Variants in RBFOX1 observed in about 807,000 individuals in gnomAD.
The protein encoded by RBFOX1 is RNA binding protein fox-1 homolog 1.
Under a neutral mutation model 57.7 loss-of-function variants are expected in RBFOX1, and 8 were observed. That is an observed-to-expected ratio of 0.14 (90% CI 0.08 to 0.25). RBFOX1 has a LOEUF of 0.25. Ranked by LOEUF, RBFOX1 falls within the 10% of genes least tolerant of loss-of-function variation. RBFOX1 has a pLI of 1.00. For missense variants in RBFOX1, 611 were observed against 548.5 expected, an observed-to-expected ratio of 1.11 and a Z score of -1.14; for synonymous variants, 326 against 222.4, an observed-to-expected ratio of 1.47 and a Z score of -4.15.
At chr16:6,111,192 C>T (rs888905384) in intron 1 of RBFOX1, among the ~76,000 whole-genome samples, 20 of 152,076 alleles carry the variant, frequency 1.3e-4, no homozygotes, top group South Asian at 2.1e-4. Context: ...ATGAAAAGTA[C>T]GCCACATACA....
intron 4 of RBFOX1, among the ~76,000 whole-genome samples, chr16:5,914,778 C>A (rs929360086): frequency 1.6e-4 from 25 of 152,022 alleles, no homozygotes; most frequent in African/African-American, 5.8e-4. Context: ...GCCTGTAGTC[C>A]CAGCTACTCA....
At chr16:5,787,412 A>G (rs538717245) in intron 3 of RBFOX1, among the ~76,000 whole-genome samples, 1 of 152,184 alleles carries the variant, frequency 6.6e-6, no homozygotes, top group Non-Finnish European at 1.5e-5. Flanking sequence ...CATCCATTGT[A>G]AGCCTCTCTA....
intron 3 of RBFOX1, among the ~76,000 whole-genome samples, chr16:6,953,606 G>C (rs9928905): frequency 0.29 from 44,614 of 151,790 alleles, 7,834 homozygotes; most frequent in African/African-American, 0.5. Flanking sequence ...AGCGTGGTCT[G>C]AAACTGCTGA....
rs1468226646 is a variant in RBFOX1 at position 6,934,231 on chromosome 16, G to A, written c.-15-117826G>A. Among the ~76,000 whole-genome samples, 12 of 152,136 alleles carry A rather than the reference G, an allele frequency of 7.9e-5. No homozygotes were observed. In the East Asian group the frequency reaches 1.9e-3, roughly 24 times the overall value. ...GATTCTTGCTATAGAACTACAGAGC[G>A]GTAACTTGAGTCACTGTGAAAGCAG... On this transcript the variant is annotated intron_variant, in intron 3 of 15. Transcript: ENST00000550418.
chr16:6,910,384 C>A (rs1377082029), intron 3 of RBFOX1, among the ~76,000 whole-genome samples: 4 of 152,174 alleles, frequency 2.6e-5, no homozygotes, highest in Non-Finnish European at 5.9e-5. Context: ...TCCACACACA[C>A]AAAGAGGAGA....
intron 2 of RBFOX1, among the ~76,000 whole-genome samples, chr16:6,649,160 T>C (rs530346038): frequency 5.3e-5 from 8 of 152,308 alleles, no homozygotes; most frequent in South Asian, 2.1e-4. Flanking sequence ...CATTGTACTT[T>C]TTAGTATATT....
rs536644390 is a variant in RBFOX1 at position 5,270,187 on chromosome 16, A to C, written c.219+30082A>C. 19 of 419,290 alleles carry C rather than the reference A, an allele frequency of 4.5e-5. No individual in the cohort carries two copies. In the South Asian group the frequency reaches 4.5e-4, roughly 10 times the overall value. The allele number at this position is 419,290 out of a possible 1,614,324, so 26.0% of individuals were successfully genotyped here. A position where few individuals can be genotyped will look rare whatever the true frequency, so the allele number is the denominator to read the frequency against. On this transcript the variant is annotated intron_variant, in intron 1 of 2. Coordinates refer to the RBFOX1 transcript ENST00000585867. Reference sequence around the variant, plus strand: ...CTGAGCAGCACCATGGCGGTTGTTAAGAACAAGTGCCTTATGAAAGGTGGC... The same window carrying C: ...CTGAGCAGCACCATGGCGGTTGTTACGAACAAGTGCCTTATGAAAGGTGGC...
At chr16:6,745,012 C>G (rs1316255303) in intron 3 of RBFOX1, among the ~76,000 whole-genome samples, 2 of 151,770 alleles carry the variant, frequency 1.3e-5, no homozygotes, top group African/African-American at 2.4e-5. Flanking sequence ...TCACTACAGA[C>G]TCTATAGGTA....
intron 2 of RBFOX1, among the ~76,000 whole-genome samples, chr16:5,539,382 C>T (rs1396814676): frequency 2.0e-5 from 3 of 151,558 alleles, no homozygotes; most frequent in Non-Finnish European, 4.4e-5. Flanking sequence ...CACTTGAGGT[C>T]CGGAATTGGA....
chr16:7,065,427 C>T (rs1473030271), intron 4 of RBFOX1, among the ~76,000 whole-genome samples: 1 of 152,146 alleles, frequency 6.6e-6, no homozygotes, highest in African/African-American at 2.4e-5. Flanking sequence ...TTCCTCTGTC[C>T]ACATGCTCCA....
At chr16:7,381,467 T>C (rs1373219272) in intron 4 of RBFOX1, among the ~76,000 whole-genome samples, 2 of 151,874 alleles carry the variant, frequency 1.3e-5, no homozygotes, top group African/African-American at 2.4e-5. Context: ...GTAAAATATA[T>C]AGACTACAAA....
chr16:7,108,304 TAACA>T (rs1161965950), intron 4 of RBFOX1, among the ~76,000 whole-genome samples: 1 of 151,700 alleles, frequency 6.6e-6, no homozygotes, highest in Non-Finnish European at 1.5e-5. Context: ...ATCTCCCCAT[TAACA>T]AACAAGAACT....
chr16:6,568,165 A>C (rs182614763), intron 2 of RBFOX1, among the ~76,000 whole-genome samples: 9 of 152,330 alleles, frequency 5.9e-5, no homozygotes, highest in Admixed American at 5.9e-4. Flanking sequence ...CTCTCAAAAC[A>C]ACAAAAGTTT....
At chr16:7,174,786 AACAG>A (rs1226407841) in intron 4 of RBFOX1, among the ~76,000 whole-genome samples, 14 of 152,152 alleles carry the variant, frequency 9.2e-5, no homozygotes, top group Non-Finnish European at 1.6e-4. Context: ...TCTCAAAACA[AACAG>A]ACAAACAAAA....
intron 3 of RBFOX1, among the ~76,000 whole-genome samples, chr16:6,825,107 C>T (rs191352628): frequency 3.4e-5 from 5 of 146,704 alleles, no homozygotes; most frequent in Non-Finnish European, 6.0e-5. Flanking sequence ...AACAATTCTC[C>T]TGCCTCAGCC....
chr16:7,666,368 T>G (rs547938641), intron 13 of RBFOX1, among the ~76,000 whole-genome samples: 8 of 142,902 alleles, frequency 5.6e-5, no homozygotes, highest in African/African-American at 2.1e-4. Flanking sequence ...ATGGAAACTA[T>G]CTCCAGCAAC....
intron 3 of RBFOX1, among the ~76,000 whole-genome samples, chr16:5,865,039 A>G (rs7197293): frequency 0.09 from 13,671 of 152,180 alleles, 808 homozygotes; most frequent in African/African-American, 0.16. Flanking sequence ...AATGGGGGGA[A>G]TAAGAGGGGC....
chr16:5,574,992 C>T (rs917141039), intron 2 of RBFOX1, among the ~76,000 whole-genome samples: 1 of 152,114 alleles, frequency 6.6e-6, no homozygotes. Flanking sequence ...TGGCCTTGTC[C>T]CCTGGCTAAC....
chr16:6,067,904 G>A (rs571994577), intron 1 of RBFOX1, among the ~76,000 whole-genome samples: 1 of 152,244 alleles, frequency 6.6e-6, no homozygotes. Flanking sequence ...AGCAATTGGG[G>A]TAAATTTATG....
Sources: gnomAD v4.1 joint callset for allele counts (sites outside exome capture counted in the v4.1 genomes callset) on GRCh38, gnomAD v4.1.1 for gene constraint, MANE v1.5 for transcripts, NCBI Gene and HGNC (gene_info 2026-07-23, HGNC 2026-07-21) for gene names.